MYO10: variants seen among roughly 807,000 people sequenced by gnomAD.
MYO10 encodes the protein unconventional myosin-X.
In MYO10, 133 loss-of-function variants were observed where a neutral mutation model predicts 257.3. That is an observed-to-expected ratio of 0.52 (90% CI 0.45 to 0.60). MYO10 has a LOEUF of 0.60. MYO10 is among the 20% of genes least tolerant of loss of function. The pLI, the probability that MYO10 is intolerant of heterozygous loss-of-function variation, is 0.00. For synonymous variants in MYO10, 1,104 were observed against 1,028.6 expected (o/e 1.07, Z -1.40); for missense variants, 2,399 against 2,635.7 (o/e 0.91, Z 1.97).
At chr5:16,898,765 G>C (rs532123620) in intron 1 of MYO10, among the ~76,000 whole-genome samples, 8 of 152,062 alleles carry the variant, frequency 5.3e-5, no homozygotes, top group African/African-American at 1.9e-4. Context: ...ACTTGGAACA[G>C]CCATATTTCA....
intron 5 of MYO10, 111 bp from the exon 6 acceptor site, chr5:16,781,940 A>G: frequency 7.6e-7 from 1 of 1,318,832 alleles, no homozygotes; most frequent in South Asian, 1.4e-5. Context: ...ATCTGAAACC[A>G]AAAGGACTGA....
chr5:16,826,983 A>G (rs529245877), intron 2 of MYO10, among the ~76,000 whole-genome samples: 1 of 152,216 alleles, frequency 6.6e-6, no homozygotes, highest in Non-Finnish European at 1.5e-5. Context: ...TGTACTGAGT[A>G]ATTTATACTT....
At chr5:16,689,947 A>C (rs1737421250) in intron 27 of MYO10, 28 bp from the exon 28 acceptor site, 2 of 1,481,618 alleles carry the variant, frequency 1.3e-6, no homozygotes, top group Non-Finnish European at 1.9e-6. Context: ...CAACAAACGC[A>C]CATCAGGAAC....
chr5:16,880,325 T>C (rs534958515), intron 1 of MYO10, among the ~76,000 whole-genome samples: 27 of 152,070 alleles, frequency 1.8e-4, no homozygotes, highest in African/African-American at 6.3e-4. Flanking sequence ...TCTACAAACA[T>C]TTCTAAAATC....
At chr5:16,748,332 C>T (rs778460807) in intron 19 of MYO10, among the ~76,000 whole-genome samples, 7 of 152,126 alleles carry the variant, frequency 4.6e-5, no homozygotes, top group Non-Finnish European at 8.8e-5. Context: ...GCAACCTACA[C>T]CTCCTGGGTT....
At position 16,780,719 on chromosome 5, in the gene MYO10, T is replaced by A; in HGVS notation, c.741+9A>T. 1 of 1,571,380 alleles carries A rather than the reference T, an allele frequency of 6.4e-7. No individual in the cohort carries two copies. Among genetic ancestry groups the A allele is most frequent in the Non-Finnish European group, 8.7e-7 (1 of 1,155,984 alleles). The stretch of plus-strand genomic sequence containing the variant: ...GGAAGAAAATGTGGATTAAATCACG[T>A]TTACTTACTTTTTCTAATAAATCTT... On this transcript the variant is annotated intron_variant, in intron 7 of 40. Coordinates refer to ENST00000513610, the MANE Select transcript of MYO10 (RefSeq NM_012334.3).
intron 40 of MYO10, among the ~76,000 whole-genome samples, chr5:16,667,955 A>T (rs1277356367): frequency 6.6e-6 from 1 of 152,146 alleles, no homozygotes. Flanking sequence ...ACTAATTTTC[A>T]TAAGGTTTTG....
At chr5:16,899,601 C>T (rs544032596) in intron 1 of MYO10, among the ~76,000 whole-genome samples, 2 of 145,596 alleles carry the variant, frequency 1.4e-5, no homozygotes, top group East Asian at 4.0e-4. Flanking sequence ...CACAGCAGGC[C>T]TGGGCAACAA....
chr5:16,922,084 C>T (rs990722991), intron 1 of MYO10, among the ~76,000 whole-genome samples: 4 of 151,840 alleles, frequency 2.6e-5, no homozygotes, highest in African/African-American at 7.3e-5. Flanking sequence ...CGTGGTGGTG[C>T]GTGCCTGTAA....
At chr5:16,848,918 C>T (rs185986095) in intron 2 of MYO10, among the ~76,000 whole-genome samples, 158 of 152,258 alleles carry the variant, frequency 1.0e-3, no homozygotes, top group Middle Eastern at 0.01. Flanking sequence ...GTTAAAATAA[C>T]GGCAACCAGG....
At chr5:16,700,274 G>T (rs958825612) in intron 25 of MYO10, among the ~76,000 whole-genome samples, 1 of 152,156 alleles carries the variant, frequency 6.6e-6, no homozygotes, top group Non-Finnish European at 1.5e-5. Flanking sequence ...TTCCAGTTCA[G>T]GATGTGTCTT....
intron 19 of MYO10, among the ~76,000 whole-genome samples, chr5:16,715,032 T>A (rs1290715673): frequency 6.6e-6 from 1 of 151,598 alleles, no homozygotes; most frequent in Non-Finnish European, 1.5e-5. Context: ...ATTTACCTGA[T>A]ATGATTATTA....
In MYO10 at chr5:16,787,430, A is replaced by G. The variant is rs540423848; in HGVS notation, c.468-3961T>C. On this transcript the variant is annotated intron_variant, in intron 4 of 40. Transcript: ENST00000513610. Reference sequence around the variant, plus strand: ...AGGTCACAGACTCTGCAGGTAGTACATTTCTGTCTAACCCGTCTCCTCCTC... The same window carrying G: ...AGGTCACAGACTCTGCAGGTAGTACGTTTCTGTCTAACCCGTCTCCTCCTC... 2.0e-5 allele frequency among the ~76,000 whole-genome samples: 3 copies of G among 152,034 alleles called. No homozygotes were observed. The East Asian group carries it at 5.8e-4, about 29-fold the overall frequency.
In MYO10 at chr5:16,671,296, T is replaced by G. The variant is rs1242090982; in HGVS notation, c.5430+126A>C. 2.5e-6 allele frequency: 3 copies of G among 1,215,042 alleles called. No individual in the cohort carries two copies. The African/African-American group carries it at 4.6e-5, about 19-fold the overall frequency. The allele number at this position is 1,215,042 out of a possible 1,614,324, so 75.3% of individuals were successfully genotyped here. ...AAACGAATGAAAGAGCAGCTGGTCT[T>G]GTCTTTGCTGGGAAATCCACAGGTG... On this transcript the variant is annotated intron_variant, in intron 38 of 40. Coordinates refer to ENST00000513610, the MANE Select transcript of MYO10 (RefSeq NM_012334.3).
At chr5:16,738,453 TGAG>T (rs1739891672) in intron 19 of MYO10, 2 of 978,320 alleles carry the variant, frequency 2.0e-6, no homozygotes, top group African/African-American at 1.8e-5. Flanking sequence ...TGTTTAGCAG[TGAG>T]GAGAAGATTG....
At chr5:16,898,931 A>AT (rs1745296147) in intron 1 of MYO10, among the ~76,000 whole-genome samples, 1 of 127,972 alleles carries the variant, frequency 7.8e-6, no homozygotes, top group Admixed American at 8.7e-5. Context: ...AGATCACCTG[A>AT]GCCTGGCCAC....
chr5:16,729,815 C>T (rs1359478696), intron 19 of MYO10, among the ~76,000 whole-genome samples: 5 of 152,102 alleles, frequency 3.3e-5, no homozygotes, highest in African/African-American at 1.2e-4. Context: ...CCCCAGCCAA[C>T]CCTACGAACT....
rs1479607529 is a variant in MYO10 at position 16,711,242 on chromosome 5, G to A, written c.1933C>T (p.Pro645Ser). The A allele has an allele frequency of 6.3e-7, 1 of 1,579,410 alleles. No individual in the cohort carries two copies. The highest frequency in any genetic ancestry group is 1.8e-5 in the Admixed American group (1 of 54,418). ...RCIKPNMQKM[P>S]DQFDQAVVLN... ...ACAACCGCCTGGTCAAACTGGTCTG[G>A]CATCTAAACCATGCAAAAAAAAAAG... The change falls in exon 20 of 41, where the codon CCA (proline) becomes TCA (serine). Residue 645 changes from proline to serine, a missense_variant. Pro to Ser is a moderately conservative substitution (Grantham distance 74). Transcript: ENST00000513610.
At chr5:16,789,470 T>C (rs1741689576) in intron 4 of MYO10, among the ~76,000 whole-genome samples, 1 of 152,120 alleles carries the variant, frequency 6.6e-6, no homozygotes, top group African/African-American at 2.4e-5. Context: ...AGCCCTTTTG[T>C]TTGGAAGCTG....
Sources: allele counts gnomAD v4.1 joint callset (sites outside exome capture counted in the v4.1 genomes callset), GRCh38; gene constraint gnomAD v4.1.1; transcripts MANE v1.5; gene names NCBI Gene and HGNC (gene_info 2026-07-23, HGNC 2026-07-21).